The following CCSER1 variants were observed in gnomAD, a reference collection of about 807,000 sequenced individuals.
CCSER1 encodes the protein coiled-coil serine rich protein 1.
Under a neutral mutation model 82.0 loss-of-function variants are expected in CCSER1, and 41 were observed. The ratio of observed to expected loss-of-function variants is 0.50; its 90% CI spans 0.39 to 0.65. CCSER1 has a LOEUF of 0.65. CCSER1 is among the 30% of genes least tolerant of loss of function. The probability of loss-of-function intolerance (pLI) is 0.00; values close to 1 mark genes in which losing one functional copy is unlikely to be tolerated. For synonymous variants in CCSER1, 414 were observed against 383.9 expected, an observed-to-expected ratio of 1.08 and a Z score of -0.92; for missense variants, 1,119 against 1,064.2, an observed-to-expected ratio of 1.05 and a Z score of -0.72.
At chr4:90,888,594 T>C (rs1398785690) in intron 8 of CCSER1, among the ~76,000 whole-genome samples, 1 of 152,168 alleles carries the variant, frequency 6.6e-6, no homozygotes, top group African/African-American at 2.4e-5. Flanking sequence ...ACAATACCAG[T>C]ATTTTAACTA....
intron 7 of CCSER1, among the ~76,000 whole-genome samples, chr4:90,809,293 T>C (rs1203758223): frequency 1.4e-5 from 2 of 143,980 alleles, no homozygotes; most frequent in Non-Finnish European, 3.0e-5. Context: ...ACTCCAGCCT[T>C]GGTGAAGAGC....
intron 1 of CCSER1, among the ~76,000 whole-genome samples, chr4:90,273,935 C>T (rs1727064764): frequency 6.6e-6 from 1 of 152,090 alleles, no homozygotes. Flanking sequence ...AAGATATTTG[C>T]AATTATTCAA....
intron 1 of CCSER1, among the ~76,000 whole-genome samples, chr4:90,298,548 T>C (rs561189588): frequency 0.031 from 4,778 of 152,074 alleles, 193 homozygotes; most frequent in African/African-American, 0.096. Context: ...TTTGAATGTG[T>C]TTGCTCTTGC....
intron 9 of CCSER1, among the ~76,000 whole-genome samples, chr4:91,034,834 A>G (rs1741294912): frequency 6.6e-6 from 1 of 152,152 alleles, no homozygotes; most frequent in Non-Finnish European, 1.5e-5. Flanking sequence ...TAGGAAATCA[A>G]AAAGTTTGTA....
At chr4:90,771,579 A>AG (rs1190022410) in intron 7 of CCSER1, among the ~76,000 whole-genome samples, 2 of 150,044 alleles carry the variant, frequency 1.3e-5, no homozygotes, top group African/African-American at 2.5e-5. Context: ...AAAAAAAAAA[A>AG]AAAGAAAAGA....
At chr4:90,481,822 T>A (rs1364536188) in intron 5 of CCSER1, among the ~76,000 whole-genome samples, 1 of 152,244 alleles carries the variant, frequency 6.6e-6, no homozygotes, top group Admixed American at 6.5e-5. Context: ...GATATTGGTC[T>A]AAAATTCTCT....
intron 3 of CCSER1, among the ~76,000 whole-genome samples, chr4:90,374,520 A>G (rs562013079): frequency 6.6e-6 from 1 of 152,132 alleles, no homozygotes; most frequent in Non-Finnish European, 1.5e-5. Flanking sequence ...GGAAAATTCT[A>G]TGTATTGTTT....
At chr4:91,384,756 C>T (rs761513628) in intron 10 of CCSER1, among the ~76,000 whole-genome samples, 9 of 151,698 alleles carry the variant, frequency 5.9e-5, no homozygotes, top group Non-Finnish European at 1.0e-4. Flanking sequence ...CAAAGTGCAC[C>T]GTAGGCAAAG....
chr4:90,655,921 G>A (rs1231323285), intron 6 of CCSER1, among the ~76,000 whole-genome samples: 1 of 151,740 alleles, frequency 6.6e-6, no homozygotes, highest in Non-Finnish European at 1.5e-5. Flanking sequence ...CTCAGAATAC[G>A]TGTGGCAAGA....
intron 10 of CCSER1, among the ~76,000 whole-genome samples, chr4:91,278,788 T>C (rs191745293): frequency 2.0e-5 from 3 of 152,302 alleles, no homozygotes; most frequent in African/African-American, 7.2e-5. Context: ...ATCATTCATG[T>C]TGGGTGGTTT....
intron 4 of CCSER1, among the ~76,000 whole-genome samples, chr4:90,425,202 C>A (rs1324641460): frequency 6.6e-6 from 1 of 152,090 alleles, no homozygotes; most frequent in African/African-American, 2.4e-5. Context: ...AACTTTCTAT[C>A]ATATAAACAC....
At position 91,110,611 on chromosome 4, in the gene CCSER1, T is replaced by C. The variant is rs181162347; in HGVS notation, c.2217+24617T>C. 2.8e-3 allele frequency among the ~76,000 whole-genome samples: 418 copies of C among 147,224 alleles called. 8 individuals are homozygous for C. In the East Asian group the frequency reaches 0.036, roughly 13 times the overall value. The stretch of plus-strand genomic sequence containing the variant: ...TTTCTGTAATATTGTGCTTATCACA[T>C]TGTACTGTGACTTTTTGTTTATCTC... On this transcript the variant is annotated intron_variant, in intron 10 of 10. Coordinates refer to ENST00000509176, the MANE Select transcript of CCSER1 (RefSeq NM_001145065.2).
intron 10 of CCSER1, among the ~76,000 whole-genome samples, chr4:91,131,622 A>G (rs1728004367): frequency 6.6e-6 from 1 of 152,120 alleles, no homozygotes; most frequent in African/African-American, 2.4e-5. Flanking sequence ...ATTTATATAT[A>G]TTAATCTATT....
intron 6 of CCSER1, among the ~76,000 whole-genome samples, chr4:90,628,564 A>G (rs1203372006): frequency 1.3e-5 from 2 of 152,212 alleles, no homozygotes; most frequent in African/African-American, 4.8e-5. Flanking sequence ...TGAGAAATCT[A>G]TTAAATGTAT....
intron 6 of CCSER1, among the ~76,000 whole-genome samples, chr4:90,656,323 T>G (rs1229906146): frequency 6.6e-6 from 1 of 151,802 alleles, no homozygotes; most frequent in Non-Finnish European, 1.5e-5. Flanking sequence ...TGAATTTTTC[T>G]ATTTATCTCT....
chr4:90,642,841 C>T (rs957845507), intron 6 of CCSER1, among the ~76,000 whole-genome samples: 1 of 151,290 alleles, frequency 6.6e-6, no homozygotes, highest in Non-Finnish European at 1.5e-5. Context: ...GGCAACAAAG[C>T]AAGACCCTGT....
At chr4:91,210,519 G>A (rs977302732) in intron 10 of CCSER1, among the ~76,000 whole-genome samples, 6 of 150,838 alleles carry the variant, frequency 4.0e-5, no homozygotes, top group African/African-American at 1.5e-4. Context: ...TTACCTGACT[G>A]GATGCAGGTG....
chr4:90,738,776 C>T (rs73833786), intron 7 of CCSER1, among the ~76,000 whole-genome samples: 1 of 152,180 alleles, frequency 6.6e-6, no homozygotes, highest in African/African-American at 2.4e-5. Flanking sequence ...GTGAGCAATG[C>T]CTGGCTGCTG....
At chr4:91,151,796 C>T (rs1186586417) in intron 10 of CCSER1, among the ~76,000 whole-genome samples, 2 of 152,176 alleles carry the variant, frequency 1.3e-5, no homozygotes, top group African/African-American at 4.8e-5. Flanking sequence ...GAGTTAGTTT[C>T]TCAATCTTGA....
Sources: allele counts gnomAD v4.1 joint callset (sites outside exome capture counted in the v4.1 genomes callset), GRCh38; gene constraint gnomAD v4.1.1; transcripts MANE v1.5; gene names NCBI Gene and HGNC (gene_info 2026-07-23, HGNC 2026-07-21).